Variants in NTM observed in about 807,000 individuals in gnomAD.
NTM encodes the protein neurotrimin, also known as IgLON family member 2.
NTM carries 13 observed loss-of-function variants against 42.1 expected under a neutral mutation model. That is an observed-to-expected ratio of 0.31 (90% CI 0.20 to 0.49). NTM has a LOEUF of 0.49. Among genes scored for constraint, NTM ranks in the 20% least tolerant of loss-of-function variants. The pLI is 0.99. For missense variants in NTM, 373 were observed against 452.8 expected (o/e 0.82, Z 1.60); for synonymous variants, 187 against 179.2 (o/e 1.04, Z -0.35).
chr11:132,234,128 G>A (rs983099840), intron 4 of NTM, among the ~76,000 whole-genome samples: 2 of 152,162 alleles, frequency 1.3e-5, no homozygotes, highest in African/African-American at 4.8e-5. Flanking sequence ...CTTAACTGGG[G>A]TTAACAAAAA....
Position 132,334,421 on chromosome 11 carries a change from A to G in NTM, c.968-625A>G, listed in dbSNP as rs1008487990. On this transcript the variant is annotated intron_variant, in intron 8 of 8. Coordinates refer to ENST00000683400, the MANE Select transcript of NTM (RefSeq NM_001352005.2). ...GTGGGCTGGCTTCGGCCTTGCAGGC[A>G]TGTGATCCTTGAGCTGCATCTGCTC... 5.3e-5 allele frequency among the ~76,000 whole-genome samples: 8 copies of G among 152,318 alleles called. No individual in the cohort carries two copies. The South Asian group carries it at 1.7e-3, about 32-fold the overall frequency.
At chr11:132,198,984 C>A (rs190873936) in intron 3 of NTM, among the ~76,000 whole-genome samples, 6 of 152,268 alleles carry the variant, frequency 3.9e-5, no homozygotes, top group Non-Finnish European at 8.8e-5. Flanking sequence ...ACATGTAGAC[C>A]TGAAAAGCAA....
chr11:131,630,884 TA>T (rs1183447436), intron 1 of NTM, among the ~76,000 whole-genome samples: 1 of 152,206 alleles, frequency 6.6e-6, no homozygotes, highest in African/African-American at 2.4e-5. Flanking sequence ...TGTGAAAACT[TA>T]ATTTTGAATG....
At chr11:131,768,873 A>G (rs923776172) in intron 1 of NTM, among the ~76,000 whole-genome samples, 1 of 152,260 alleles carries the variant, frequency 6.6e-6, no homozygotes, top group Non-Finnish European at 1.5e-5. Flanking sequence ...AGTCCAGGCC[A>G]GTGTAGACTG....
chr11:132,080,773 T>TA (rs905863748), intron 2 of NTM, among the ~76,000 whole-genome samples: 20 of 152,190 alleles, frequency 1.3e-4, no homozygotes, highest in African/African-American at 2.9e-4. Flanking sequence ...GATTTTAATC[T>TA]AAAAAAAACT....
At chr11:131,539,780 G>A (rs2136777275) in intron 1 of NTM, among the ~76,000 whole-genome samples, 1 of 152,332 alleles carries the variant, frequency 6.6e-6, no homozygotes, top group Admixed American at 6.5e-5. Flanking sequence ...GGTGAGACCA[G>A]GCAGAGCCTG....
chr11:131,639,200 G>A (rs915455318), intron 1 of NTM, among the ~76,000 whole-genome samples: 3 of 152,208 alleles, frequency 2.0e-5, no homozygotes, highest in African/African-American at 7.2e-5. Context: ...ATTCTAGAAT[G>A]TTAAGACGTC....
chr11:131,717,976 T>G (rs1358718993), intron 1 of NTM, among the ~76,000 whole-genome samples: 2 of 152,230 alleles, frequency 1.3e-5, no homozygotes, highest in Non-Finnish European at 2.9e-5. Context: ...CATATGTTTT[T>G]CTTATTTTAG....
At chr11:132,137,510 CAACGAACCTGT>C (rs1170893669) in intron 2 of NTM, among the ~76,000 whole-genome samples, 2 of 152,172 alleles carry the variant, frequency 1.3e-5, no homozygotes, top group Non-Finnish European at 2.9e-5. Flanking sequence ...GCTTATTGCA[CAACGAACCTGT>C]AATAGTCAGG....
rs115135486 is a variant in NTM at position 131,916,584 on chromosome 11, G to A, written c.167+4936G>A. Among the ~76,000 whole-genome samples the A allele has an allele frequency of 4.2e-3, 642 of 152,230 alleles. 8 individuals carry two copies. Among genetic ancestry groups the A allele is most frequent in the African/African-American group, 0.014 (600 of 41,524 alleles). On this transcript the variant is annotated intron_variant, in intron 2 of 8. Transcript: ENST00000683400. ...GTGGTTTTGATACTTGAGAGGACGC[G>A]GGAGTCACCCTCTAGATGAAGGAAG...
chr11:131,668,356 A>G (rs1472593709), intron 1 of NTM, among the ~76,000 whole-genome samples: 1 of 152,024 alleles, frequency 6.6e-6, no homozygotes, highest in East Asian at 1.9e-4. Context: ...AAGTATTCCC[A>G]GGTAGTACTA....
In NTM at chr11:131,598,850, T is replaced by C. The variant is rs1384652786; in HGVS notation, c.82+227962T>C. ...TCTTCTTTCTTTCTTTCTTTCTTTC[T>C]TCCTTCCTTCCTTCCTTCCTTCCTT... On this transcript the variant is annotated intron_variant, in intron 1 of 8. Transcript: ENST00000683400. Among the ~76,000 whole-genome samples, 41 of 49,284 alleles carry C rather than the reference T, an allele frequency of 8.3e-4. 5 individuals are homozygous for C. Among genetic ancestry groups the C allele is most frequent in the African/African-American group, 2.1e-3 (35 of 16,692 alleles). The allele number at this position is 49,284 out of a possible 152,430, so 32.3% of individuals were successfully genotyped here.
At chr11:131,491,853 G>C (rs1256952783) in intron 1 of NTM, among the ~76,000 whole-genome samples, 2 of 152,204 alleles carry the variant, frequency 1.3e-5, no homozygotes, top group Admixed American at 6.5e-5. Context: ...ATCTGGTGAA[G>C]ATCTGGGGAC....
At chr11:132,268,339 A>G (rs560008194) in intron 4 of NTM, among the ~76,000 whole-genome samples, 1 of 152,254 alleles carries the variant, frequency 6.6e-6, no homozygotes, top group Admixed American at 6.5e-5. Context: ...ATTTTATTTC[A>G]ATCTCTATCA....
chr11:131,380,668 A>G (rs1942563352), intron 1 of NTM, among the ~76,000 whole-genome samples: 1 of 152,056 alleles, frequency 6.6e-6, no homozygotes, highest in Non-Finnish European at 1.5e-5. Flanking sequence ...ATTTATCTTT[A>G]TATACCTAGT....
chr11:131,617,047 C>T (rs1455302526), intron 1 of NTM, among the ~76,000 whole-genome samples: 1 of 152,142 alleles, frequency 6.6e-6, no homozygotes, highest in Non-Finnish European at 1.5e-5. Context: ...GGGGACACTG[C>T]ATTTTGTCAA....
intron 1 of NTM, among the ~76,000 whole-genome samples, chr11:131,524,388 G>A (rs11222684): frequency 0.08 from 12,160 of 152,162 alleles, 544 homozygotes; most frequent in Middle Eastern, 0.16. Context: ...CCCTTCTGCT[G>A]CACTCTGTTA....
At chr11:132,114,484 A>G (rs1320307117) in intron 2 of NTM, among the ~76,000 whole-genome samples, 1 of 152,146 alleles carries the variant, frequency 6.6e-6, no homozygotes, top group South Asian at 2.1e-4. Context: ...CAGTAATTAT[A>G]TCAGTCTCAT....
At chr11:131,717,209 T>C (rs915958038) in intron 1 of NTM, among the ~76,000 whole-genome samples, 2 of 152,194 alleles carry the variant, frequency 1.3e-5, no homozygotes, top group African/African-American at 4.8e-5. Context: ...TTGTTTTGAC[T>C]ATTCTGTATC....
Sources: allele counts gnomAD v4.1 joint callset (sites outside exome capture counted in the v4.1 genomes callset), GRCh38; gene constraint gnomAD v4.1.1; transcripts MANE v1.5; gene names NCBI Gene and HGNC (gene_info 2026-07-23, HGNC 2026-07-21).